CCDC141: variants seen among roughly 807,000 people sequenced by gnomAD.
CCDC141 encodes coiled-coil domain containing 141, also known as coiled-coil domain-containing protein 141.
A neutral mutation model predicts 181.0 loss-of-function variants in CCDC141; 168 were observed. That is an observed-to-expected ratio of 0.93 (90% CI 0.82 to 1.05). CCDC141 has a LOEUF of 1.05. Ranked by LOEUF, CCDC141 falls within the 50% of genes least tolerant of loss-of-function variation. CCDC141 has a pLI of 0.00. For missense variants in CCDC141, 1,902 were observed against 1,788.5 expected, an observed-to-expected ratio of 1.06 and a Z score of -1.14; for synonymous variants, 666 against 642.3, an observed-to-expected ratio of 1.04 and a Z score of -0.56.
chr2:178,858,191 G>C lies in CCDC141; in HGVS notation c.2725-1794C>G, dbSNP rs190156917. Among the ~76,000 whole-genome samples, 296 of 152,224 alleles carry C rather than the reference G, an allele frequency of 1.9e-3. 6 individuals are homozygous for C. The South Asian group carries it at 0.021, about 11-fold the overall frequency. On this transcript the variant is annotated intron_variant, in intron 17 of 23. Coordinates refer to ENST00000443758, the MANE Select transcript of CCDC141 (RefSeq NM_173648.4). ...TGTTCAGAAAAAGTGAAAAGCTTCA[G>C]AATTTGAACATTATTTCTCTATTAG... is the stretch of plus-strand genomic sequence containing the variant.
At chr2:178,927,734 A>G (rs1415082559) in intron 6 of CCDC141, among the ~76,000 whole-genome samples, 1 of 152,176 alleles carries the variant, frequency 6.6e-6, no homozygotes, top group Admixed American at 6.5e-5. Flanking sequence ...TGAGTTATTA[A>G]GAATGAAAAG....
intron 2 of CCDC141, chr2:179,002,353 T>C (rs1418020977): frequency 7.0e-6 from 2 of 285,148 alleles, no homozygotes; most frequent in Non-Finnish European, 1.4e-5. Flanking sequence ...CAGGATTGCA[T>C]TGTGGATGTC....
At chr2:178,948,318 T>G (rs755079626) in intron 5 of CCDC141, among the ~76,000 whole-genome samples, 59 of 152,212 alleles carry the variant, frequency 3.9e-4, no homozygotes, top group Non-Finnish European at 7.9e-4. Context: ...ACTTTTTAAT[T>G]TTTTACTTTT....
At chr2:178,872,424 G>T in intron 12 of CCDC141, 112 bp from the exon 13 acceptor site, 1 of 950,388 alleles carries the variant, frequency 1.1e-6, no homozygotes, top group Non-Finnish European at 1.5e-6. Context: ...AGCCGAAGAT[G>T]GTTCTGACAT....
intron 2 of CCDC141, chr2:179,002,653 C>A (rs930964749): frequency 3.7e-5 from 6 of 163,638 alleles, no homozygotes; most frequent in African/African-American, 1.2e-4. Flanking sequence ...TACTATAGAA[C>A]ATGCTAAACT....
At chr2:179,013,246 C>T (rs928116138) in intron 2 of CCDC141, among the ~76,000 whole-genome samples, 3 of 152,102 alleles carry the variant, frequency 2.0e-5, no homozygotes, top group Admixed American at 2.0e-4. Flanking sequence ...GCTCCTAGAA[C>T]TGATAAAAGA....
At chr2:178,865,958 C>T in intron 16 of CCDC141, 42 bp from the exon 17 acceptor site, 1 of 1,381,516 alleles carries the variant, frequency 7.2e-7, no homozygotes, top group Non-Finnish European at 9.5e-7. Context: ...AAGGACGAAA[C>T]AGCAATAAGA....
At chr2:178,988,976 C>T (rs1691895969) in intron 2 of CCDC141, among the ~76,000 whole-genome samples, 1 of 152,098 alleles carries the variant, frequency 6.6e-6, no homozygotes, top group Non-Finnish European at 1.5e-5. Context: ...TGAATTATTA[C>T]CTTTCATACC....
At chr2:178,985,634 T>G (rs1691689540) in intron 2 of CCDC141, among the ~76,000 whole-genome samples, 2 of 151,796 alleles carry the variant, frequency 1.3e-5, no homozygotes, top group South Asian at 4.2e-4. Flanking sequence ...ATAAAGGGGA[T>G]ATCACCACCG....
intron 2 of CCDC141, among the ~76,000 whole-genome samples, chr2:179,009,898 C>G (rs2042219129): frequency 6.6e-6 from 1 of 151,932 alleles, no homozygotes; most frequent in Non-Finnish European, 1.5e-5. Flanking sequence ...AAATCCAAAA[C>G]ATGATACAAG....
chr2:178,976,774 A>T (rs1302053705), intron 3 of CCDC141, among the ~76,000 whole-genome samples: 1 of 152,212 alleles, frequency 6.6e-6, no homozygotes, highest in Non-Finnish European at 1.5e-5. Flanking sequence ...ACTGATTTTT[A>T]AAATATTATT....
intron 8 of CCDC141, among the ~76,000 whole-genome samples, chr2:178,899,736 T>A (rs1219428194): frequency 2.0e-5 from 3 of 152,192 alleles, no homozygotes; most frequent in Non-Finnish European, 4.4e-5. Context: ...CAATATCTGC[T>A]TTGCTCTGTT....
intron 2 of CCDC141, among the ~76,000 whole-genome samples, chr2:179,046,887 A>C (rs2043514718): frequency 6.6e-6 from 1 of 152,228 alleles, no homozygotes; most frequent in Admixed American, 6.5e-5. Context: ...TCAATAGTCC[A>C]ACGGGGGAAA....
Position 178,885,091 on chromosome 2 carries a change from T to C in CCDC141, c.1529A>G (p.Glu510Gly), listed in dbSNP as rs1686816733. The C allele has an allele frequency of 6.5e-7, 1 of 1,547,016 alleles. No homozygotes were observed. The highest frequency in any genetic ancestry group is 1.2e-5 in the South Asian group (1 of 83,830). The stretch of plus-strand genomic sequence containing the variant: ...AGCTGCTTCTAATTCATGTGATGTC[T>C]CCTGTAAAAGCAAAGCACTGGAGGT... ...KYLELDIQAK[E>G]TSHELEAAAK... The change falls in exon 11 of 24, where the codon GAG (glutamate) becomes GGG (glycine). Residue 510 changes from glutamate (E) to glycine (G), a missense_variant and splice_region_variant. Physicochemically the swap from Glu to Gly is moderately conservative, Grantham distance 98 (BLOSUM62 -2). Coordinates refer to ENST00000443758, the MANE Select transcript of CCDC141 (RefSeq NM_173648.4).
intron 2 of CCDC141, among the ~76,000 whole-genome samples, chr2:179,021,232 C>T (rs1455173303): frequency 6.6e-6 from 1 of 152,170 alleles, no homozygotes; most frequent in Non-Finnish European, 1.5e-5. Flanking sequence ...ATACTGCTGA[C>T]AGGCATAATG....
chr2:179,029,963 G>A (rs921158295), intron 2 of CCDC141, among the ~76,000 whole-genome samples: 2 of 152,028 alleles, frequency 1.3e-5, no homozygotes, highest in Admixed American at 1.3e-4. Context: ...CTGGAGAACA[G>A]GCTTTACCAG....
At chr2:178,897,927 C>T (rs1197536874) in intron 8 of CCDC141, among the ~76,000 whole-genome samples, 1 of 152,146 alleles carries the variant, frequency 6.6e-6, no homozygotes, top group Non-Finnish European at 1.5e-5. Flanking sequence ...TGGTAGCAGG[C>T]CATCTTTGGT....
chr2:179,002,429 C>T (rs2042011553), intron 2 of CCDC141: 1 of 371,228 alleles, frequency 2.7e-6, no homozygotes, highest in Non-Finnish European at 5.3e-6. Flanking sequence ...GACTGACTGA[C>T]ACCATGACGC....
chr2:178,852,951 G>C (rs1685222312), intron 20 of CCDC141, among the ~76,000 whole-genome samples: 1 of 152,188 alleles, frequency 6.6e-6, no homozygotes, highest in South Asian at 2.1e-4. Context: ...CAAGTGAGAG[G>C]AAAGTGAAGG....
Sources: allele counts gnomAD v4.1 joint callset (sites outside exome capture counted in the v4.1 genomes callset), GRCh38; gene constraint gnomAD v4.1.1; transcripts MANE v1.5; gene names NCBI Gene and HGNC (gene_info 2026-07-23, HGNC 2026-07-21).